GLYATL2: variants seen among roughly 807,000 people sequenced by gnomAD.
GLYATL2 encodes glycine-N-acyltransferase like 2.
In GLYATL2, 25 loss-of-function variants were observed where a neutral mutation model predicts 21.4. The observed-to-expected ratio is 1.17, with a 90% CI of 0.85 to 1.63. GLYATL2 has a LOEUF of 1.63. Ranked by LOEUF, GLYATL2 falls within the 40% of genes most tolerant of loss-of-function variation. GLYATL2 has a pLI of 0.00. For synonymous variants in GLYATL2, 114 were observed against 118.2 expected (o/e 0.96, Z 0.23); for missense variants, 361 against 343.3 (o/e 1.05, Z -0.41).
chr11:58,870,703 G>T (rs757459856), intron 1 of GLYATL2, among the ~76,000 whole-genome samples: 2 of 152,204 alleles, frequency 1.3e-5, no homozygotes, highest in Non-Finnish European at 2.9e-5. Flanking sequence ...ACTTGTTTCT[G>T]TCAGTCCTCC....
chr11:58,873,667 C>T (rs1288107320), intron 1 of GLYATL2, among the ~76,000 whole-genome samples: 1 of 152,054 alleles, frequency 6.6e-6, no homozygotes, highest in African/African-American at 2.4e-5. Context: ...GCTTTTTGAT[C>T]TGTTGCTGGA....
At chr11:58,884,772 G>A (rs1361415507) in intron 1 of GLYATL2, 1 of 158,070 alleles carries the variant, frequency 6.3e-6, no homozygotes, top group African/African-American at 2.4e-5. Context: ...ATCTCTCTGA[G>A]ATTTGGTATA....
chr11:58,890,263 A>T (rs1040018919), intron 1 of GLYATL2, among the ~76,000 whole-genome samples: 1 of 152,114 alleles, frequency 6.6e-6, no homozygotes, highest in African/African-American at 2.4e-5. Context: ...TAGTCTGGAA[A>T]TTTCTTAGAG....
At chr11:58,903,289 T>C (rs1254384702) in intron 1 of GLYATL2, among the ~76,000 whole-genome samples, 1 of 152,176 alleles carries the variant, frequency 6.6e-6, no homozygotes, top group Non-Finnish European at 1.5e-5. Context: ...ACAGGGAATC[T>C]GGGAAACAAG....
chr11:58,838,189 C>A, intron 3 of GLYATL2, 72 bp downstream of exon 3: 1 of 973,160 alleles, frequency 1.0e-6, no homozygotes, highest in Admixed American at 2.0e-5. Context: ...TCCTCAGTTT[C>A]AGTTCCCTCA....
chr11:58,860,148 A>T (rs1251887721), intron 1 of GLYATL2, among the ~76,000 whole-genome samples: 1 of 152,122 alleles, frequency 6.6e-6, no homozygotes, highest in African/African-American at 2.4e-5. Context: ...TATTCCTTTG[A>T]AGAATGTCAT....
intron 1 of GLYATL2, among the ~76,000 whole-genome samples, chr11:58,880,979 G>T (rs557548136): frequency 6.6e-6 from 1 of 152,172 alleles, no homozygotes; most frequent in Non-Finnish European, 1.5e-5. Flanking sequence ...GCTAATGATT[G>T]TTTCAAATAT....
chr11:58,890,907 T>C (rs1483086016), intron 1 of GLYATL2, among the ~76,000 whole-genome samples: 1 of 152,166 alleles, frequency 6.6e-6, no homozygotes, highest in East Asian at 1.9e-4. Flanking sequence ...GCTTTATATA[T>C]CCTTTGCACT....
At position 58,838,314 on chromosome 11, in the gene GLYATL2, G is replaced by T; in HGVS notation, c.133C>A (p.Leu45Met). 6.2e-7 allele frequency: 1 copy of T among 1,613,464 alleles called. No homozygotes were observed. The highest frequency in any genetic ancestry group is 8.5e-7 in the Non-Finnish European group (1 of 1,179,526). ...KDKNPFNMEV[L>M]VDAWPDYQIV... ...TGGTAATCTGGCCAGGCATCTACCA[G>T]CACCTCCATGTTGAAAGGGTTTTTA... The change falls in exon 3 of 6, where the codon CTG becomes ATG. Residue 45 changes from leucine (L) to methionine (M), a missense_variant. By Grantham distance (15) the Leu-to-Met change is conservative. Coordinates refer to ENST00000287275, the MANE Select transcript of GLYATL2 (RefSeq NM_145016.4).
At chr11:58,903,916 A>T (rs1854789851) in intron 1 of GLYATL2, among the ~76,000 whole-genome samples, 1 of 152,182 alleles carries the variant, frequency 6.6e-6, no homozygotes, top group Admixed American at 6.5e-5. Flanking sequence ...TCAATATATC[A>T]AAAGTAGAAT....
At chr11:58,907,643 G>T (rs1450397199), upstream of GLYATL2, 1 of 224,092 alleles carries the variant, frequency 4.5e-6, no homozygotes, top group Admixed American at 5.1e-5. Flanking sequence ...TCTAGTCATT[G>T]TGGGTCATAT....
intron 1 of GLYATL2, among the ~76,000 whole-genome samples, chr11:58,900,482 A>T (rs1854717421): frequency 1.3e-5 from 2 of 151,754 alleles, no homozygotes; most frequent in African/African-American, 4.8e-5. Flanking sequence ...CTCCACTCCT[A>T]CTCCCGCCCG....
Position 58,837,263 on chromosome 11 carries a change from C to T in GLYATL2, c.313+8G>A. 1 of 1,613,648 alleles carries T rather than the reference C, an allele frequency of 6.2e-7. No homozygotes were observed. Among genetic ancestry groups the T allele is most frequent in the Non-Finnish European group, 8.5e-7 (1 of 1,179,774 alleles). On this transcript the variant is annotated splice_region_variant and intron_variant, in intron 4 of 5. Transcript: ENST00000287275. ...ATGGATCTTTTTCTTTTAACTCAGA[C>T]TAGTTACCTTGGATCTGCAAAGTTT...
At chr11:58,837,574 G>A (rs1408469592) in intron 3 of GLYATL2, among the ~76,000 whole-genome samples, 177 bp from the exon 4 acceptor site, 1 of 152,222 alleles carries the variant, frequency 6.6e-6, no homozygotes, top group African/African-American at 2.4e-5. Flanking sequence ...ACTGAAGATA[G>A]TTGCTTTCTT....
intron 1 of GLYATL2, among the ~76,000 whole-genome samples, chr11:58,842,519 T>C (rs188341261): frequency 0.01 from 1,353 of 133,808 alleles, 10 homozygotes; most frequent in Admixed American, 0.043. Context: ...TGTGTGTGTG[T>C]GCGCCCTGTG....
chr11:58,839,705 C>T (rs1286195011), intron 1 of GLYATL2, 53 bp from the exon 2 acceptor site: 11 of 828,126 alleles, frequency 1.3e-5, no homozygotes, highest in Non-Finnish European at 2.1e-5. Flanking sequence ...GATAGGTGTC[C>T]AGAAAGAAGA....
chr11:58,908,046 T>C (rs1002242255), upstream of GLYATL2: 1 of 152,666 alleles, frequency 6.6e-6, no homozygotes, highest in African/African-American at 2.4e-5. Context: ...TACTCATGCA[T>C]TGACCAAGCT....
chr11:58,855,696 A>T (rs519043), intron 1 of GLYATL2, among the ~76,000 whole-genome samples: 135,111 of 152,282 alleles, frequency 0.89, 61,100 homozygotes, highest in Non-Finnish European at 0.98. Context: ...CTTCTTCCAA[A>T]AGAAACCTGT....
chr11:58,894,993 C>G (rs928466160), intron 1 of GLYATL2, among the ~76,000 whole-genome samples: 1 of 152,038 alleles, frequency 6.6e-6, no homozygotes, highest in East Asian at 1.9e-4. Context: ...GAAGACAAAG[C>G]GAATAAAATT....
Sources: gnomAD v4.1 joint callset for allele counts (sites outside exome capture counted in the v4.1 genomes callset) on GRCh38, gnomAD v4.1.1 for gene constraint, MANE v1.5 for transcripts, NCBI Gene and HGNC (gene_info 2026-07-23, HGNC 2026-07-21) for gene names.